FNIP1: variants seen among roughly 807,000 people sequenced by gnomAD.
The protein encoded by FNIP1 is folliculin interacting protein 1, also known as folliculin-interacting protein 1.
In FNIP1, 40 loss-of-function variants were observed where a neutral mutation model predicts 124.5. The ratio of observed to expected loss-of-function variants is 0.32; its 90% confidence interval spans 0.25 to 0.42. The LOEUF is 0.42. FNIP1 is among the 10% of genes least tolerant of loss of function. The pLI is 1.00. For missense variants in FNIP1, 1,176 were observed against 1,403.7 expected (o/e 0.84, Z 2.59); for synonymous variants, 472 against 470.6 (o/e 1.00, Z -0.04).
intron 15 of FNIP1, among the ~76,000 whole-genome samples, chr5:131,666,637 C>T (rs1013024975): frequency 6.6e-6 from 1 of 152,016 alleles, no homozygotes; most frequent in Non-Finnish European, 1.5e-5. Context: ...ATCTGAAACA[C>T]AAAGATAACA....
chr5:131,709,137 TA>T, intron 8 of FNIP1, 63 bp downstream of exon 8: 1 of 1,365,692 alleles, frequency 7.3e-7, no homozygotes, highest in Non-Finnish European at 1.0e-6. Context: ...AAGGGAGGGA[TA>T]AAAAAGAAAA....
At chr5:131,785,344 C>T (rs1772170128) in intron 1 of FNIP1, among the ~76,000 whole-genome samples, 2 of 151,754 alleles carry the variant, frequency 1.3e-5, no homozygotes, top group South Asian at 4.1e-4. Flanking sequence ...TGCTTGAGGT[C>T]AGGAGTTCAA....
In FNIP1 at chr5:131,672,640, C is replaced by T. The variant is rs1488863178; in HGVS notation, c.1804G>A (p.Glu602Lys). Residue 602 changes from glutamate (E) to lysine (K), a missense_variant, in exon 14 of 18, where the codon GAA (glutamate) becomes AAA (lysine). By Grantham distance (56) the Glu-to-Lys change is moderately conservative. Coordinates refer to ENST00000510461, the MANE Select transcript of FNIP1 (RefSeq NM_133372.3). ...CAGTTACAATTGGGAGTTCTAATTT[C>T]TTCTGACTCTTTAAAGAGCAAACTG... ...KSSLLFKESE[E>K]IRTPNCNCKY... is the part of the protein sequence containing the mutation. 2 of 1,614,030 alleles carry T rather than the reference C, an allele frequency of 1.2e-6. No homozygotes were observed.
intron 1 of FNIP1, among the ~76,000 whole-genome samples, chr5:131,749,176 G>A (rs574369841): frequency 6.6e-6 from 1 of 152,080 alleles, no homozygotes; most frequent in South Asian, 2.1e-4. Context: ...ATAAGCTAAG[G>A]TTAATTTTAT....
rs774428861 is a variant in FNIP1 at position 131,796,968 on chromosome 5, C to T, written c.-47G>A. The T allele has an allele frequency of 1.8e-5, 27 of 1,525,080 alleles. No homozygotes were observed. The highest frequency in any genetic ancestry group is 2.2e-5 in the Non-Finnish European group (25 of 1,124,608). 94.5% of individuals were successfully genotyped at this position (1,525,080 alleles called of 1,614,324 possible). A position where few individuals can be genotyped will look rare whatever the true frequency, so the allele number is the denominator to read the frequency against. On this transcript the variant is annotated 5_prime_UTR_variant, in exon 1 of 18. Coordinates refer to ENST00000510461, the MANE Select transcript of FNIP1 (RefSeq NM_133372.3). ...GTCGCTCCGCTGGGCGCTTGCTAGG[C>T]CCCTGCTCCTACAGCCGCCCCGCCA...
intron 14 of FNIP1, among the ~76,000 whole-genome samples, chr5:131,670,854 C>G (rs190889952): frequency 1.4e-3 from 218 of 152,158 alleles, no homozygotes; most frequent in African/African-American, 5.0e-3. Context: ...AAAACTGGCT[C>G]AAGTGCTCTA....
chr5:131,726,613 G>A (rs946138986), intron 3 of FNIP1, among the ~76,000 whole-genome samples: 2 of 152,094 alleles, frequency 1.3e-5, no homozygotes, highest in Non-Finnish European at 2.9e-5. Flanking sequence ...CAAAAAACCA[G>A]CTCCTGGATT....
chr5:131,788,572 G>A (rs897585313), intron 1 of FNIP1, among the ~76,000 whole-genome samples: 4 of 151,670 alleles, frequency 2.6e-5, no homozygotes, highest in Admixed American at 6.6e-5. Flanking sequence ...GTGGTGGCAC[G>A]TGCCTGTAAT....
rs1318903154 is a variant in FNIP1 at position 131,672,242 on chromosome 5, T to C, written c.2202A>G (p.Pro734=). The change falls in exon 14 of 18, where the codon CCA becomes CCG. Residue 734 remains proline (P), a synonymous_variant. Transcript: ENST00000510461. The part of the protein sequence containing the change: ...STGMVVEKKP[P]DKIVPASFSC... ...AAAATGAAGCAGGCACAATCTTATC[T>C]GGAGGTTTTTTTTCCACAACCATTC... The C allele has an allele frequency of 2.5e-6, 4 of 1,614,024 alleles. No homozygotes were observed. In the African/African-American group the frequency reaches 4.0e-5, roughly 16 times the overall value.
chr5:131,707,831 C>A (rs926634954), intron 8 of FNIP1, among the ~76,000 whole-genome samples: 10 of 152,152 alleles, frequency 6.6e-5, no homozygotes, highest in African/African-American at 2.4e-4. Flanking sequence ...AGCAGCCTAA[C>A]AGATCAGTCT....
intron 1 of FNIP1, among the ~76,000 whole-genome samples, chr5:131,753,089 AT>A (rs879931927): frequency 1.3e-5 from 2 of 152,138 alleles, no homozygotes; most frequent in Non-Finnish European, 2.9e-5. Flanking sequence ...AAACAAAAAC[AT>A]ACAAACAAAC....
At chr5:131,791,415 T>C (rs911097961) in intron 1 of FNIP1, among the ~76,000 whole-genome samples, 1 of 152,236 alleles carries the variant, frequency 6.6e-6, no homozygotes, top group African/African-American at 2.4e-5. Flanking sequence ...CTTTGATGAA[T>C]AGGAAGTACA....
At chr5:131,664,096 T>C (rs1351260980) in intron 15 of FNIP1, among the ~76,000 whole-genome samples, 1 of 152,182 alleles carries the variant, frequency 6.6e-6, no homozygotes, top group African/African-American at 2.4e-5. Flanking sequence ...GCAAGTTTGC[T>C]AAGATTTGAA....
chr5:131,653,383 C>CA (rs1157811566), intron 15 of FNIP1, among the ~76,000 whole-genome samples: 3 of 151,922 alleles, frequency 2.0e-5, no homozygotes, highest in African/African-American at 7.2e-5. Flanking sequence ...ACTAAAAATA[C>CA]AAAAAATTAG....
chr5:131,787,997 T>C (rs1040318443), intron 1 of FNIP1, among the ~76,000 whole-genome samples: 2 of 151,866 alleles, frequency 1.3e-5, no homozygotes, highest in Non-Finnish European at 2.9e-5. Flanking sequence ...AAAAAAGTAG[T>C]AGTATGGTGT....
chr5:131,791,424 C>T (rs527346388), intron 1 of FNIP1, among the ~76,000 whole-genome samples: 1 of 152,022 alleles, frequency 6.6e-6, no homozygotes, highest in Admixed American at 6.6e-5. Flanking sequence ...ATAGGAAGTA[C>T]ACAACATCTA....
chr5:131,733,592 G>A (rs1400243097), intron 2 of FNIP1, among the ~76,000 whole-genome samples: 1 of 152,078 alleles, frequency 6.6e-6, no homozygotes, highest in African/African-American at 2.4e-5. Flanking sequence ...ATAATCACGT[G>A]GTTTTTGTCT....
At chr5:131,657,785 G>C (rs569894197) in intron 15 of FNIP1, among the ~76,000 whole-genome samples, 4 of 137,570 alleles carry the variant, frequency 2.9e-5, no homozygotes, top group African/African-American at 8.5e-5. Flanking sequence ...TCAAGATACG[G>C]ATCTTGCAAC....
At chr5:131,650,226 A>T (rs2149503249) in intron 16 of FNIP1, among the ~76,000 whole-genome samples, 1 of 152,308 alleles carries the variant, frequency 6.6e-6, no homozygotes. Flanking sequence ...ATATCCTAAT[A>T]ATATTAAGTC....
Sources: gnomAD v4.1 joint callset for allele counts (sites outside exome capture counted in the v4.1 genomes callset) on GRCh38, gnomAD v4.1.1 for gene constraint, MANE v1.5 for transcripts, NCBI Gene and HGNC (gene_info 2026-07-23, HGNC 2026-07-21) for gene names.